Variants in PTPRK observed in about 807,000 individuals in gnomAD.
The protein encoded by PTPRK is receptor-type tyrosine-protein phosphatase kappa.
Under a neutral mutation model 178.0 loss-of-function variants are expected in PTPRK, and 75 were observed. The observed-to-expected ratio is 0.42, with a 90% CI of 0.35 to 0.51. The LOEUF (loss-of-function observed/expected upper bound fraction) is 0.51, where lower values mean the gene tolerates loss of function less well. Among genes scored for constraint, PTPRK ranks in the 20% least tolerant of loss-of-function variants. The pLI is 0.02. For synonymous variants in PTPRK, 637 were observed against 620.6 expected (o/e 1.03, Z -0.39); for missense variants, 1,441 against 1,797.8 (o/e 0.80, Z 3.59).
At chr6:128,442,374 A>G (rs1275099513) in intron 1 of PTPRK, among the ~76,000 whole-genome samples, 2 of 152,100 alleles carry the variant, frequency 1.3e-5, no homozygotes, top group Non-Finnish European at 2.9e-5. Context: ...AGCATTGACT[A>G]GGGATCTAAG....
At chr6:128,414,801 G>T (rs1842665974) in intron 1 of PTPRK, among the ~76,000 whole-genome samples, 1 of 151,938 alleles carries the variant, frequency 6.6e-6, no homozygotes, top group Admixed American at 6.6e-5. Context: ...ATTTACAAGT[G>T]TTTAAGTTTT....
intron 1 of PTPRK, among the ~76,000 whole-genome samples, chr6:128,496,646 T>C (rs1446416293): frequency 2.0e-5 from 3 of 152,322 alleles, no homozygotes; most frequent in Non-Finnish European, 1.5e-5. Flanking sequence ...TTCTTTCAGT[T>C]TGATCATTAG....
chr6:128,452,734 A>G (rs980691748), intron 1 of PTPRK, among the ~76,000 whole-genome samples: 1 of 152,186 alleles, frequency 6.6e-6, no homozygotes, highest in Non-Finnish European at 1.5e-5. Flanking sequence ...AGATATGACC[A>G]TATTTTCATA....
intron 13 of PTPRK, among the ~76,000 whole-genome samples, chr6:128,022,183 T>C (rs796701337): frequency 1.6e-4 from 24 of 152,306 alleles, no homozygotes; most frequent in African/African-American, 4.6e-4. Context: ...GAGTAGTTGG[T>C]ATAAATTAGT....
At chr6:128,423,698 C>T (rs774652822) in intron 1 of PTPRK, among the ~76,000 whole-genome samples, 3 of 151,832 alleles carry the variant, frequency 2.0e-5, no homozygotes, top group Non-Finnish European at 2.9e-5. Flanking sequence ...AGGGGTGGTA[C>T]ATGCCTGTAA....
intron 7 of PTPRK, among the ~76,000 whole-genome samples, chr6:128,125,304 C>A (rs1471111080): frequency 3.3e-5 from 5 of 152,092 alleles, no homozygotes; most frequent in African/African-American, 9.7e-5. Flanking sequence ...TAGCACCATA[C>A]CCTGTGATAC....
chr6:127,999,228 G>A (rs1195556192), intron 15 of PTPRK, among the ~76,000 whole-genome samples: 1 of 152,052 alleles, frequency 6.6e-6, no homozygotes, highest in South Asian at 2.1e-4. Context: ...GCAGTATAGA[G>A]TGGGACCAGA....
chr6:127,994,665 TAAAG>T (rs1166048073), intron 18 of PTPRK, among the ~76,000 whole-genome samples: 1 of 151,830 alleles, frequency 6.6e-6, no homozygotes, highest in Non-Finnish European at 1.5e-5. Flanking sequence ...TTCCTTTAAA[TAAAG>T]AATTTCCATG....
chr6:128,273,622 C>G (rs1820248067), intron 3 of PTPRK, among the ~76,000 whole-genome samples: 1 of 152,160 alleles, frequency 6.6e-6, no homozygotes, highest in South Asian at 2.1e-4. Context: ...CTACAATCAC[C>G]TCAAGATTGA....
intron 18 of PTPRK, among the ~76,000 whole-genome samples, chr6:127,993,839 A>G (rs1776863139): frequency 6.6e-6 from 1 of 151,648 alleles, no homozygotes; most frequent in Non-Finnish European, 1.5e-5. Context: ...ATAGAAATAG[A>G]CCAAAATACA....
At chr6:128,361,599 T>C (rs935587727) in intron 2 of PTPRK, among the ~76,000 whole-genome samples, 2 of 152,148 alleles carry the variant, frequency 1.3e-5, no homozygotes, top group African/African-American at 4.8e-5. Context: ...ATAGATATAG[T>C]CTATTACATA....
intron 13 of PTPRK, among the ~76,000 whole-genome samples, chr6:128,045,231 T>A (rs1473283236): frequency 6.6e-6 from 1 of 152,074 alleles, no homozygotes; most frequent in Non-Finnish European, 1.5e-5. Flanking sequence ...GTATTTTACC[T>A]AGACTTTACT....
chr6:128,019,980 G>A (rs142738154), intron 13 of PTPRK, among the ~76,000 whole-genome samples: 45 of 152,144 alleles, frequency 3.0e-4, no homozygotes, highest in Middle Eastern at 3.4e-3. Flanking sequence ...GGTGCAAAAG[G>A]GAGTTCAGTG....
At chr6:128,387,959 A>G (rs1230860316) in intron 2 of PTPRK, among the ~76,000 whole-genome samples, 1 of 152,186 alleles carries the variant, frequency 6.6e-6, no homozygotes, top group African/African-American at 2.4e-5. Flanking sequence ...ACAAAAAAAA[A>G]AAAGCAAAAA....
At chr6:128,054,096 A>G (rs555625389) in intron 13 of PTPRK, among the ~76,000 whole-genome samples, 1 of 152,342 alleles carries the variant, frequency 6.6e-6, no homozygotes, top group African/African-American at 2.4e-5. Flanking sequence ...TTTGAATTCA[A>G]GATGCTGTCC....
intron 7 of PTPRK, among the ~76,000 whole-genome samples, chr6:128,096,960 T>C (rs1158216991): frequency 1.3e-5 from 2 of 152,216 alleles, no homozygotes; most frequent in African/African-American, 4.8e-5. Context: ...CTCTTACCTT[T>C]AGGTGCTTTG....
At chr6:128,037,185 T>C (rs1181315157) in intron 13 of PTPRK, among the ~76,000 whole-genome samples, 5 of 152,290 alleles carry the variant, frequency 3.3e-5, no homozygotes, top group Admixed American at 1.3e-4. Context: ...GCCTCTGTCA[T>C]TGAGAGACTC....
chr6:128,045,785 T>C (rs1777943075), intron 13 of PTPRK, among the ~76,000 whole-genome samples: 1 of 152,104 alleles, frequency 6.6e-6, no homozygotes. Flanking sequence ...AGGAGGTTGA[T>C]ACCCATACCC....
chr6:128,236,343 CTTTTTTTTTTTT>C (rs35553541), intron 5 of PTPRK, among the ~76,000 whole-genome samples: 13 of 108,084 alleles, frequency 1.2e-4, no homozygotes, highest in Admixed American at 9.2e-4. Context: ...TTCTAAATTT[CTTTTTTTTTTTT>C]TTTTTTTTTT....
Sources: gnomAD v4.1 joint callset for allele counts (sites outside exome capture counted in the v4.1 genomes callset) on GRCh38, gnomAD v4.1.1 for gene constraint, MANE v1.5 for transcripts, NCBI Gene and HGNC (gene_info 2026-07-23, HGNC 2026-07-21) for gene names.